SIMC1: variants seen among roughly 807,000 people sequenced by gnomAD.
SIMC1 encodes the protein SUMO-interacting motif-containing protein 1.
A neutral mutation model predicts 82.3 loss-of-function variants in SIMC1; 55 were observed. That is an observed-to-expected ratio of 0.67 (90% confidence interval 0.54 to 0.84). SIMC1 has a LOEUF of 0.84. Ranked by LOEUF, SIMC1 falls within the 40% of genes least tolerant of loss-of-function variation. SIMC1 has a pLI of 0.00. For synonymous variants in SIMC1, 353 were observed against 426.3 expected (o/e 0.83, Z 2.12); for missense variants, 915 against 1,107.2 (o/e 0.83, Z 2.46).
chr5:176,262,323 A>G (rs1762043156), intron 1 of SIMC1, among the ~76,000 whole-genome samples: 1 of 150,298 alleles, frequency 6.7e-6, no homozygotes, highest in Admixed American at 6.6e-5. Flanking sequence ...CTAGGAATAG[A>G]GGGGAACTTC....
chr5:176,331,198 G>A (rs1002257121), intron 7 of SIMC1, among the ~76,000 whole-genome samples: 9 of 151,512 alleles, frequency 5.9e-5, no homozygotes, highest in Admixed American at 2.6e-4. Flanking sequence ...GTGAAACCCC[G>A]TCTCTACTAA....
chr5:176,336,725 T>C lies in SIMC1; in HGVS notation c.2177T>C (p.Met726Thr). The change falls in exon 8 of 10, where the codon ATG becomes ACG. Residue 726 changes from methionine to threonine, a missense_variant. Around this residue, in one of 2 missense-constraint regions of SIMC1, gnomAD observed 902 missense variants for 1,040.3 expected, o/e 0.87. Transcript: ENST00000429602. ...LDIPERSQRE[M>T]FFTTMESHLL... ...TCTTCCTCTTCTCCACACAGAGAAA[T>C]GTTCTTTACTACCATGGAAAGCCAC... 6.2e-7 allele frequency: 1 copy of C among 1,613,934 alleles called. No homozygotes were observed. Among genetic ancestry groups the C allele is most frequent in the Non-Finnish European group, 8.5e-7 (1 of 1,179,842 alleles).
intron 7 of SIMC1, among the ~76,000 whole-genome samples, chr5:176,335,359 C>A (rs1433509248): frequency 1.4e-5 from 2 of 146,338 alleles, no homozygotes; most frequent in African/African-American, 5.0e-5. Context: ...TCACTGCAAC[C>A]TCGGCCTCCC....
At chr5:176,309,496 A>T (rs750719363) in intron 4 of SIMC1, among the ~76,000 whole-genome samples, 1 of 152,260 alleles carries the variant, frequency 6.6e-6, no homozygotes, top group Non-Finnish European at 1.5e-5. Flanking sequence ...CCCCAAAAGC[A>T]TATCCGTAAA....
chr5:176,306,150 CGGGAGGGAGG>C (rs1266990865), intron 4 of SIMC1, among the ~76,000 whole-genome samples: 5 of 64,868 alleles, frequency 7.7e-5, no homozygotes, highest in Non-Finnish European at 1.0e-4. Flanking sequence ...CCGCCCCGTC[CGGGAGGGAGG>C]TGGGGGCGTC....
At chr5:176,336,097 A>G (rs62405177) in intron 7 of SIMC1, among the ~76,000 whole-genome samples, 8 of 145,688 alleles carry the variant, frequency 5.5e-5, no homozygotes, top group African/African-American at 7.8e-5. Context: ...AGGGAGGGGG[A>G]GAGAGAGAGA....
intron 7 of SIMC1, among the ~76,000 whole-genome samples, chr5:176,331,152 C>T (rs1464237850): frequency 6.6e-6 from 1 of 151,578 alleles, no homozygotes; most frequent in Non-Finnish European, 1.5e-5. Context: ...GGGTGGATCA[C>T]GAGGTCAGGA....
chr5:176,305,651 T>G (rs1764310589), intron 4 of SIMC1, among the ~76,000 whole-genome samples: 1 of 115,620 alleles, frequency 8.6e-6, no homozygotes, highest in Non-Finnish European at 1.8e-5. Flanking sequence ...CGGCTGCCCC[T>G]ACTGGGAAGT....
intron 4 of SIMC1, 31 bp from the exon 5 acceptor site, chr5:176,313,659 GA>G (rs1764769264): frequency 6.2e-7 from 1 of 1,611,046 alleles, no homozygotes; most frequent in Non-Finnish European, 8.5e-7. Context: ...AGACTGAGAA[GA>G]AAGACTGACT....
In SIMC1 at chr5:176,248,974, T is replaced by A; in HGVS notation, c.129+10337T>A. The stretch of plus-strand genomic sequence containing the variant: ...GCCAATTTGATCGTGGTGGATAAGC[T>A]TTTTGATGTGCTGCTGGATTTGGTG... On this transcript the variant is annotated intron_variant, in intron 1 of 9. Transcript: ENST00000429602. Among the ~76,000 whole-genome samples, 2 of 152,144 alleles carry A rather than the reference T, an allele frequency of 1.3e-5. 1 individual carries two copies. Among genetic ancestry groups the A allele is most frequent in the Non-Finnish European group, 2.9e-5 (2 of 68,016 alleles).
rs576474347 is a variant in SIMC1 at position 176,285,932 on chromosome 5, T to C, written c.130-3722T>C. Among the ~76,000 whole-genome samples the C allele has an allele frequency of 3.7e-3, 557 of 152,304 alleles. 1 individual carries two copies. Among genetic ancestry groups the C allele is most frequent in the African/African-American group, 0.013 (525 of 41,554 alleles). On this transcript the variant is annotated intron_variant, in intron 1 of 9. Coordinates refer to ENST00000429602, the MANE Select transcript of SIMC1 (RefSeq NM_001308195.2). ...ACCTAGGAATCCAACTTACAAGGGA[T>C]GTGAAGGACCTCTTCAAGGAGAACT...
chr5:176,326,826 A>G (rs1765413839), intron 7 of SIMC1, among the ~76,000 whole-genome samples: 1 of 152,164 alleles, frequency 6.6e-6, no homozygotes, highest in South Asian at 2.1e-4. Context: ...CAGTCTCCCA[A>G]AGTGCTGGGA....
chr5:176,345,044 G>T, intron 9 of SIMC1, 139 bp from the exon 10 acceptor site: 1 of 1,030,260 alleles, frequency 9.7e-7, no homozygotes, highest in Non-Finnish European at 1.4e-6. Context: ...GTTACTGCAG[G>T]CACTCACACA....
chr5:176,344,614 C>T (rs541792230), intron 9 of SIMC1, among the ~76,000 whole-genome samples: 3 of 152,264 alleles, frequency 2.0e-5, no homozygotes, highest in Admixed American at 6.5e-5. Context: ...GAAACACAAT[C>T]GTGGCTCAAG....
intron 6 of SIMC1, 31 bp from the exon 7 acceptor site, chr5:176,324,598 C>A: frequency 6.2e-7 from 1 of 1,605,268 alleles, no homozygotes; most frequent in Non-Finnish European, 8.5e-7. Context: ...CAGACCCTCA[C>A]ACTCATCTGT....
intron 7 of SIMC1, among the ~76,000 whole-genome samples, chr5:176,334,740 GC>G (rs1312482833): frequency 6.6e-6 from 1 of 152,116 alleles, no homozygotes; most frequent in Non-Finnish European, 1.5e-5. Context: ...ATTAGAAAGT[GC>G]CCCCAGCAAG....
intron 4 of SIMC1, among the ~76,000 whole-genome samples, chr5:176,298,518 C>T (rs1763915638): frequency 6.6e-6 from 1 of 152,168 alleles, no homozygotes; most frequent in Admixed American, 6.5e-5. Context: ...CCTGCAGTCT[C>T]AGCTACTTGG....
rs747322621 is a variant in SIMC1, at chr5:176,345,361, G to A, written c.2592G>A (p.Val864=). 7 of 1,613,970 alleles carry A rather than the reference G, an allele frequency of 4.3e-6. No individual in the cohort carries two copies. Among genetic ancestry groups the A allele is most frequent in the East Asian group, 2.2e-5 (1 of 44,888 alleles). Residue 864 remains valine, a synonymous_variant, in exon 10 of 10, where the codon GTG becomes GTA. Transcript: ENST00000429602. ...EPLVPQLQDK[V]HLLKLLLFYA... ...TTGTCCCCCAACTCCAAGACAAAGT[G>A]CACTTGTTGAAGCTCCTGCTCTTCT...
At chr5:176,252,949 C>A (rs775461060) in intron 1 of SIMC1, among the ~76,000 whole-genome samples, 2 of 152,232 alleles carry the variant, frequency 1.3e-5, no homozygotes, top group African/African-American at 4.8e-5. Flanking sequence ...ACCAGCCTGG[C>A]CCACGCTGCG....
Sources: gnomAD v4.1 joint callset for allele counts (sites outside exome capture counted in the v4.1 genomes callset) on GRCh38, gnomAD v4.1.1 for gene constraint, gnomAD v4.1.1 regional missense constraint, MANE v1.5 for transcripts, NCBI Gene and HGNC (gene_info 2026-07-23, HGNC 2026-07-21) for gene names.